Variants in DLEU7 observed in about 807,000 individuals in gnomAD.
DLEU7 encodes leukemia-associated protein 7.
Under a neutral mutation model 16.0 loss-of-function variants are expected in DLEU7, and 17 were observed. That is an observed-to-expected ratio of 1.06 (90% CI 0.73 to 1.59). The LOEUF (loss-of-function observed/expected upper bound fraction) is 1.59. Ranked by LOEUF, DLEU7 falls within the 40% of genes most tolerant of loss-of-function variation. The pLI is 0.00. For missense variants in DLEU7, 308 were observed against 314.9 expected (o/e 0.98, Z 0.17); for synonymous variants, 113 against 139.8 (o/e 0.81, Z 1.35).
At chr13:50,828,047 C>A (rs1417657195) in intron 1 of DLEU7, among the ~76,000 whole-genome samples, 6 of 152,054 alleles carry the variant, frequency 3.9e-5, no homozygotes, top group African/African-American at 9.7e-5. Context: ...ATTCCCCAAG[C>A]AGATGTCACA....
intron 1 of DLEU7, among the ~76,000 whole-genome samples, chr13:50,721,546 TTTG>T (rs1158707511): frequency 6.6e-6 from 1 of 152,188 alleles, no homozygotes; most frequent in Non-Finnish European, 1.5e-5. Context: ...TTTGTTATTT[TTTG>T]TTATATTATT....
At chr13:50,802,440 TTAGA>T (rs1876277920) in intron 1 of DLEU7, among the ~76,000 whole-genome samples, 1 of 152,174 alleles carries the variant, frequency 6.6e-6, no homozygotes, top group South Asian at 2.1e-4. Flanking sequence ...AATGAAATTC[TTAGA>T]TAGCAAGCCC....
chr13:50,722,162 C>A (rs1276668004), intron 1 of DLEU7, among the ~76,000 whole-genome samples: 1 of 152,150 alleles, frequency 6.6e-6, no homozygotes, highest in Non-Finnish European at 1.5e-5. Flanking sequence ...CTGGAGTGAC[C>A]TGCCCCATCC....
At chr13:50,766,481 ACTC>A (rs1045886828) in intron 1 of DLEU7, among the ~76,000 whole-genome samples, 2 of 150,406 alleles carry the variant, frequency 1.3e-5, no homozygotes, top group African/African-American at 2.4e-5. Context: ...TTCTCTTCCT[ACTC>A]CTCCTCTTAA....
At chr13:50,819,805 C>T (rs1876842648), downstream of DLEU7, among the ~76,000 whole-genome samples, 1 of 152,146 alleles carries the variant, frequency 6.6e-6, no homozygotes, top group Non-Finnish European at 1.5e-5. Context: ...TAGAGATATT[C>T]TGTAGTCAGT....
At chr13:50,819,460 G>C (rs939983725), downstream of DLEU7, among the ~76,000 whole-genome samples, 1 of 152,112 alleles carries the variant, frequency 6.6e-6, no homozygotes, top group Non-Finnish European at 1.5e-5. Flanking sequence ...GTGGAGAATA[G>C]ACTATAGAGA....
chr13:50,840,138 A>G (rs1339539741), intron 1 of DLEU7: 1 of 152,198 alleles, frequency 6.6e-6, no homozygotes, highest in Non-Finnish European at 1.5e-5. Context: ...GGAGGTTCCC[A>G]CGTACTTCTA....
chr13:50,732,706 T>A (rs1027100339), intron 1 of DLEU7, among the ~76,000 whole-genome samples: 9 of 151,938 alleles, frequency 5.9e-5, no homozygotes, highest in African/African-American at 1.9e-4. Context: ...TCACACTATG[T>A]TAAATTTCTT....
chr13:50,787,498 C>T (rs1875819188), intron 1 of DLEU7, among the ~76,000 whole-genome samples: 1 of 151,954 alleles, frequency 6.6e-6, no homozygotes, highest in Admixed American at 6.6e-5. Flanking sequence ...AAGGGCGGCA[C>T]CCCTCACTGG....
intron 1 of DLEU7, among the ~76,000 whole-genome samples, chr13:50,838,443 A>G (rs1877541933): frequency 6.6e-6 from 1 of 152,254 alleles, no homozygotes; most frequent in Admixed American, 6.5e-5. Context: ...TAACTTCGTA[A>G]TTGGCTTGGC....
intron 1 of DLEU7, among the ~76,000 whole-genome samples, chr13:50,736,001 C>T (rs948985745): frequency 2.0e-5 from 3 of 152,094 alleles, no homozygotes; most frequent in Admixed American, 6.6e-5. Flanking sequence ...AATCTCATCA[C>T]TGTATGTATA....
chr13:50,768,266 T>A (rs535863411), intron 1 of DLEU7, among the ~76,000 whole-genome samples: 28 of 152,144 alleles, frequency 1.8e-4, no homozygotes, highest in Non-Finnish European at 2.8e-4. Context: ...TTCAAGTTGG[T>A]ATTTTTTTCA....
chr13:50,766,186 G>A (rs554497217), intron 1 of DLEU7, among the ~76,000 whole-genome samples: 1 of 152,154 alleles, frequency 6.6e-6, no homozygotes, highest in Non-Finnish European at 1.5e-5. Context: ...ATTAAGTCAT[G>A]TAAAAGCAAC....
chr13:50,714,652 G>C (rs563269636), intron 1 of DLEU7, among the ~76,000 whole-genome samples: 1 of 152,048 alleles, frequency 6.6e-6, no homozygotes, highest in Non-Finnish European at 1.5e-5. Context: ...TAATGAGGAC[G>C]GCAAGGATTT....
chr13:50,739,007 A>ATG (rs1566234269), intron 1 of DLEU7, among the ~76,000 whole-genome samples: 9 of 83,934 alleles, frequency 1.1e-4, no homozygotes, highest in African/African-American at 3.4e-4. Flanking sequence ...ACACACACGC[A>ATG]CACACACACA....
intron 1 of DLEU7, among the ~76,000 whole-genome samples, chr13:50,763,961 T>G (rs969939019): frequency 4.6e-5 from 7 of 152,222 alleles, no homozygotes; most frequent in African/African-American, 1.7e-4. Context: ...GTGCTGTTAC[T>G]GATGAAACAA....
chr13:50,827,580 G>A (rs896229120), intron 1 of DLEU7, among the ~76,000 whole-genome samples: 27 of 152,018 alleles, frequency 1.8e-4, no homozygotes, highest in African/African-American at 5.5e-4. Flanking sequence ...CAGCTACTCA[G>A]GAGGCTGAGG....
downstream of DLEU7, among the ~76,000 whole-genome samples, chr13:50,820,230 T>C (rs1196249931): frequency 6.6e-6 from 1 of 152,068 alleles, no homozygotes; most frequent in East Asian, 1.9e-4. Flanking sequence ...CAAAAGGGAA[T>C]TGGACAAAAA....
chr13:50,733,474 A>G (rs556797685), intron 1 of DLEU7, among the ~76,000 whole-genome samples: 3 of 152,256 alleles, frequency 2.0e-5, no homozygotes, highest in Middle Eastern at 3.4e-3. Context: ...TCTTACCTGT[A>G]TGTTTAGAAT....
Sources: gnomAD v4.1 joint callset for allele counts (sites outside exome capture counted in the v4.1 genomes callset) on GRCh38, gnomAD v4.1.1 for gene constraint, MANE v1.5 for transcripts, NCBI Gene and HGNC (gene_info 2026-07-23, HGNC 2026-07-21) for gene names.